The following YTHDC2 variants were observed in gnomAD, a reference collection of about 807,000 sequenced individuals.
YTHDC2 encodes YTH N6-methyladenosine RNA binding protein C2, also known as 3'-5' RNA helicase YTHDC2.
A neutral mutation model predicts 174.9 loss-of-function variants in YTHDC2; 45 were observed. That is an observed-to-expected ratio of 0.26 (90% confidence interval 0.20 to 0.33). The LOEUF (loss-of-function observed/expected upper bound fraction) is 0.33, where lower values mean the gene tolerates loss of function less well. Among genes scored for constraint, YTHDC2 ranks in the 10% least tolerant of loss-of-function variants. The probability of loss-of-function intolerance (pLI) is 1.00; values close to 1 mark genes in which losing one functional copy is unlikely to be tolerated. For missense variants in YTHDC2, 1,650 were observed against 1,723.7 expected (o/e 0.96, Z 0.76); for synonymous variants, 657 against 574.5 (o/e 1.14, Z -2.05).
chr5:113,525,135 C>G lies in YTHDC2; in HGVS notation c.433C>G (p.Leu145Val), dbSNP rs1214049928. 1 of 1,604,660 alleles carries G rather than the reference C, an allele frequency of 6.2e-7. No homozygotes were observed. The highest frequency in any genetic ancestry group is 8.5e-7 in the Non-Finnish European group (1 of 1,176,532). The change falls in exon 3 of 30, where the codon CTG becomes GTG. Residue 145 changes from leucine to valine, a missense_variant. Around this residue, in one of 5 missense-constraint regions of YTHDC2, gnomAD observed 304 missense variants for 341.4 expected, o/e 0.89. Coordinates refer to ENST00000161863, the MANE Select transcript of YTHDC2 (RefSeq NM_022828.5). The part of the protein sequence containing the change: ...PVTNKERTEL[L>V]PKTERGNVFA... ...CACCAATAAAGAGCGTACAGAACTT[C>G]TGCCTAAAACAGAAAGAGGAAATGT...
Position 113,548,683 on chromosome 5 carries a change from G to A in YTHDC2, c.1622+16G>A, listed in dbSNP as rs6889574. On this transcript the variant is annotated intron_variant, in intron 11 of 29. Transcript: ENST00000161863. ...CAAATGGCTGGTAATTTTAAACTAC[G>A]TTGATTCTTCATATATCTTTGTATA... The A allele has an allele frequency of 0.22, 344,391 of 1,598,380 alleles. 45,592 individuals are homozygous for A. The highest frequency in any genetic ancestry group is 0.59 in the African/African-American group (43,443 of 74,146).
At chr5:113,587,993 C>G (rs772440605) in intron 26 of YTHDC2, among the ~76,000 whole-genome samples, 1 of 151,974 alleles carries the variant, frequency 6.6e-6, no homozygotes, top group Non-Finnish European at 1.5e-5. Flanking sequence ...AAATTTCTCC[C>G]TAAGTATTTA....
chr5:113,536,881 A>C (rs1055308447), intron 7 of YTHDC2, among the ~76,000 whole-genome samples: 1 of 152,218 alleles, frequency 6.6e-6, no homozygotes, highest in Non-Finnish European at 1.5e-5. Context: ...CACATGGCTA[A>C]TACATTATTT....
At chr5:113,552,770 T>C (rs2112668706) in intron 12 of YTHDC2, among the ~76,000 whole-genome samples, 1 of 152,252 alleles carries the variant, frequency 6.6e-6, no homozygotes, top group African/African-American at 2.4e-5. Context: ...CATTTTACAT[T>C]TCCACCAGCA....
At chr5:113,561,472 TA>T (rs1776964739) in intron 18 of YTHDC2, among the ~76,000 whole-genome samples, 1 of 129,504 alleles carries the variant, frequency 7.7e-6, no homozygotes, top group South Asian at 2.2e-4. Flanking sequence ...TATCTATCTA[TA>T]TTTTTTTTTT....
intron 26 of YTHDC2, among the ~76,000 whole-genome samples, chr5:113,589,686 T>A (rs941700964): frequency 2.0e-4 from 31 of 152,054 alleles, no homozygotes; most frequent in African/African-American, 7.0e-4. Flanking sequence ...GAGCTGTGAT[T>A]GTGCCACTGC....
chr5:113,584,773 C>CTTTTTTTTTT (rs34217644), intron 26 of YTHDC2, among the ~76,000 whole-genome samples: 1 of 95,734 alleles, frequency 1.0e-5, no homozygotes, highest in African/African-American at 4.4e-5. Flanking sequence ...CTTTCGAATC[C>CTTTTTTTTTT]TTTTTTTTTT....
At chr5:113,566,114 T>C in intron 21 of YTHDC2, 95 bp downstream of exon 21, 1 of 1,305,358 alleles carries the variant, frequency 7.7e-7, no homozygotes, top group East Asian at 2.5e-5. Flanking sequence ...CCATCTATTA[T>C]TTTTATGACA....
chr5:113,565,901 A>G lies in YTHDC2; in HGVS notation c.2724A>G (p.Gln908=), dbSNP rs772059130. ...TTATTCTCTTTTTATAGGCCTGGCAAAAAGCACGAAGTGATGGGTGGGAGC... is the reference window on the plus strand; with the variant it reads ...TTATTCTCTTTTTATAGGCCTGGCAGAAAGCACGAAGTGATGGGTGGGAGC... The part of the protein sequence containing the change: ...MALLRAFQAW[Q]KARSDGWERA... Residue 908 remains glutamine (Q), a synonymous_variant, in exon 21 of 30, where the codon CAA becomes CAG. Transcript: ENST00000161863. The G allele has an allele frequency of 5.0e-6, 8 of 1,611,896 alleles. No homozygotes were observed. The highest frequency in any genetic ancestry group is 4.0e-5 in the African/African-American group (3 of 74,908).
intron 23 of YTHDC2, among the ~76,000 whole-genome samples, chr5:113,569,604 C>T (rs914908616): frequency 6.6e-6 from 1 of 152,076 alleles, no homozygotes; most frequent in African/African-American, 2.4e-5. Flanking sequence ...ATAAGGAGTC[C>T]TTTCCTCATT....
chr5:113,549,085 T>G, intron 12 of YTHDC2, 65 bp downstream of exon 12: 1 of 1,356,560 alleles, frequency 7.4e-7, no homozygotes, highest in African/African-American at 1.5e-5. Flanking sequence ...ACCATATAAA[T>G]TATGGGCTAT....
At chr5:113,525,934 A>G (rs768018928) in intron 3 of YTHDC2, among the ~76,000 whole-genome samples, 8 of 152,138 alleles carry the variant, frequency 5.3e-5, no homozygotes, top group Non-Finnish European at 1.0e-4. Context: ...TTTGAGCTAC[A>G]TGAATATAAA....
chr5:113,525,108 G>C lies in YTHDC2; in HGVS notation c.406G>C (p.Val136Leu), dbSNP rs762486921. The change falls in exon 3 of 30, where the codon GTC (valine) becomes CTC (leucine). Residue 136 changes from valine (V) to leucine (L), a missense_variant. Val to Leu is a conservative substitution (Grantham distance 32). Coordinates refer to ENST00000161863, the MANE Select transcript of YTHDC2 (RefSeq NM_022828.5). ...TAGGAGCCTAATTCAAAGATTTCCT[G>C]TCACCAATAAAGAGCGTACAGAACT... The part of the protein sequence containing the change: ...AVRSLIQRFP[V>L]TNKERTELLP... 1.2e-6 allele frequency: 2 copies of C among 1,612,026 alleles called. No homozygotes were observed. The highest frequency in any genetic ancestry group is 8.5e-7 in the Non-Finnish European group (1 of 1,179,012).
intron 23 of YTHDC2, among the ~76,000 whole-genome samples, chr5:113,574,336 G>A (rs1405540582): frequency 3.9e-5 from 6 of 152,132 alleles, no homozygotes; most frequent in Non-Finnish European, 8.8e-5. Context: ...TCCTTCCTCT[G>A]GAAGTTCTGT....
chr5:113,581,317 A>G, intron 24 of YTHDC2, 100 bp from the exon 25 acceptor site: 1 of 1,090,294 alleles, frequency 9.2e-7, no homozygotes. Flanking sequence ...ATGTGAAATA[A>G]GTTTGTTGGA....
At chr5:113,568,792 G>T (rs1043181739) in intron 23 of YTHDC2, among the ~76,000 whole-genome samples, 1 of 152,110 alleles carries the variant, frequency 6.6e-6, no homozygotes, top group Non-Finnish European at 1.5e-5. Flanking sequence ...CATTTGGGTT[G>T]ATTCCATGTC....
chr5:113,561,222 G>A, intron 18 of YTHDC2, 37 bp downstream of exon 18: 1 of 1,550,742 alleles, frequency 6.4e-7, no homozygotes, highest in South Asian at 1.2e-5. Context: ...CATTTTTTTG[G>A]GTGAGGGAAG....
At chr5:113,593,128 C>G in intron 28 of YTHDC2, 175 bp from the exon 29 acceptor site, 1 of 457,376 alleles carries the variant, frequency 2.2e-6, no homozygotes, top group Non-Finnish European at 3.9e-6. Flanking sequence ...GAAGTCAACT[C>G]CATAAACCTT....
intron 4 of YTHDC2, among the ~76,000 whole-genome samples, chr5:113,529,854 C>T (rs1168329414): frequency 6.6e-6 from 1 of 152,040 alleles, no homozygotes. Context: ...TTAGTCAGAT[C>T]TGTCAATATT....
Sources: gnomAD v4.1 joint callset for allele counts (sites outside exome capture counted in the v4.1 genomes callset) on GRCh38, gnomAD v4.1.1 for gene constraint, gnomAD v4.1.1 regional missense constraint, MANE v1.5 for transcripts, NCBI Gene and HGNC (gene_info 2026-07-23, HGNC 2026-07-21) for gene names.